Variants in CTBP2 observed in about 807,000 individuals in gnomAD.
CTBP2 encodes the protein C-terminal-binding protein 2.
Under a neutral mutation model 80.3 loss-of-function variants are expected in CTBP2, and 30 were observed. That is an observed-to-expected ratio of 0.37 (90% CI 0.28 to 0.51). The LOEUF (loss-of-function observed/expected upper bound fraction) is 0.51. Ranked by LOEUF, CTBP2 falls within the 20% of genes least tolerant of loss-of-function variation. The probability of loss-of-function intolerance (pLI) is 0.93; values close to 1 mark genes in which losing one functional copy is unlikely to be tolerated. For synonymous variants in CTBP2, 594 were observed against 587.4 expected, an observed-to-expected ratio of 1.01 and a Z score of -0.16; for missense variants, 1,212 against 1,375.3, an observed-to-expected ratio of 0.88 and a Z score of 1.88.
Position 125,069,977 on chromosome 10 carries a change from A to G in CTBP2, c.-101-30822T>C, listed in dbSNP as rs140281221. Among the ~76,000 whole-genome samples the G allele has an allele frequency of 6.8e-3, 1,034 of 151,784 alleles. 5 individuals are homozygous for G. The highest frequency in any genetic ancestry group is 0.01 in the Non-Finnish European group (682 of 67,962). On this transcript the variant is annotated intron_variant, in intron 2 of 10. Transcript: ENST00000337195. ...ACAGACTTTGGATAACAATGGATCA[A>G]TTACTTTGGGAGGCCTAGCTGGGCC... is the stretch of plus-strand genomic sequence containing the variant.
chr10:125,012,669 T>TCA (rs1257086722), intron 1 of CTBP2, among the ~76,000 whole-genome samples: 1 of 152,292 alleles, frequency 6.6e-6, no homozygotes, highest in East Asian at 1.9e-4. Flanking sequence ...AGATGGAGTC[T>TCA]CACGCTGTTG....
intron 2 of CTBP2, among the ~76,000 whole-genome samples, chr10:125,101,629 C>CAG (rs1288575620): frequency 6.6e-6 from 1 of 152,210 alleles, no homozygotes; most frequent in Non-Finnish European, 1.5e-5. Context: ...AGGTGGAAGA[C>CAG]AGAACCTTCA....
At chr10:124,989,947 A>G (rs1337958123) in intron 8 of CTBP2, among the ~76,000 whole-genome samples, 2 of 151,842 alleles carry the variant, frequency 1.3e-5, no homozygotes, top group East Asian at 3.9e-4. Context: ...CAGACTGCCC[A>G]GGCTGGTCTC....
At chr10:125,064,481 G>C (rs1006348366) in intron 2 of CTBP2, among the ~76,000 whole-genome samples, 2 of 152,094 alleles carry the variant, frequency 1.3e-5, no homozygotes, top group Non-Finnish European at 2.9e-5. Flanking sequence ...ATCGGTCTCC[G>C]AAGAATAGCA....
intron 1 of CTBP2, among the ~76,000 whole-genome samples, chr10:125,112,800 G>A (rs1852528204): frequency 6.6e-6 from 1 of 152,136 alleles, no homozygotes; most frequent in African/African-American, 2.4e-5. Context: ...CTTTTAATGG[G>A]GCTTTTAATT....
chr10:125,140,660 A>C (rs762429560), intron 1 of CTBP2, among the ~76,000 whole-genome samples: 13 of 150,808 alleles, frequency 8.6e-5, no homozygotes, highest in Non-Finnish European at 1.8e-4. Flanking sequence ...CCATTTCTAC[A>C]AAAAATATAA....
chr10:125,017,526 C>T (rs542192221), intron 1 of CTBP2, among the ~76,000 whole-genome samples: 40 of 152,334 alleles, frequency 2.6e-4, no homozygotes, highest in Non-Finnish European at 5.6e-4. Context: ...CCTACATTTA[C>T]TTTTCCATTT....
intron 1 of CTBP2, among the ~76,000 whole-genome samples, chr10:125,112,952 T>C (rs548741055): frequency 3.5e-4 from 54 of 152,296 alleles, no homozygotes; most frequent in African/African-American, 1.3e-3. Context: ...TCCACTGAAT[T>C]CAATGAGTCC....
At chr10:124,994,850 C>T (rs966885884) in intron 4 of CTBP2, among the ~76,000 whole-genome samples, 167 bp from the exon 7 acceptor site, 14 of 152,226 alleles carry the variant, frequency 9.2e-5, no homozygotes, top group African/African-American at 3.1e-4. Context: ...GCACTGCCCG[C>T]GAGGGGCCAC....
At chr10:125,135,054 G>A (rs1565006250) in intron 1 of CTBP2, among the ~76,000 whole-genome samples, 1 of 152,184 alleles carries the variant, frequency 6.6e-6, no homozygotes, top group Non-Finnish European at 1.5e-5. Flanking sequence ...GTGCATGGAT[G>A]CCTTGGTGCG....
upstream of CTBP2, among the ~76,000 whole-genome samples, chr10:125,031,826 C>T (rs552117357): frequency 1.3e-5 from 2 of 152,356 alleles, no homozygotes; most frequent in South Asian, 2.1e-4. Flanking sequence ...ACCCACGCAA[C>T]GCGCCAAAGG....
At chr10:125,013,186 A>T (rs947389753) in intron 1 of CTBP2, among the ~76,000 whole-genome samples, 1 of 152,090 alleles carries the variant, frequency 6.6e-6, no homozygotes, top group Non-Finnish European at 1.5e-5. Context: ...GCCTGTTGGA[A>T]AGACCACCAA....
rs1952090242 is a variant in CTBP2 at position 124,987,664 on chromosome 10, A to T, written c.*1854T>A. 6.6e-6 allele frequency: 1 copy of T among 152,152 alleles called. No homozygotes were observed. Among genetic ancestry groups the T allele is most frequent in the South Asian group, 2.1e-4 (1 of 4,826 alleles). The allele number at this position is 152,152 out of a possible 1,614,324, so 9.4% of individuals were successfully genotyped here. A position where few individuals can be genotyped will look rare whatever the true frequency, so the allele number is the denominator to read the frequency against. On this transcript the variant is annotated 3_prime_UTR_variant, in exon 9 of 9. Coordinates refer to ENST00000309035, the MANE Select transcript of CTBP2 (RefSeq NM_022802.3). ...TCCATGTGAGCTTGTGTTAATAGACACTTTTATGGTAGAGTTGGGATGGGG... is the reference window on the plus strand; with the variant it reads ...TCCATGTGAGCTTGTGTTAATAGACTCTTTTATGGTAGAGTTGGGATGGGG...
chr10:124,991,750 T>C (rs1952652365), intron 8 of CTBP2, among the ~76,000 whole-genome samples: 1 of 152,190 alleles, frequency 6.6e-6, no homozygotes, highest in East Asian at 1.9e-4. Flanking sequence ...ATGAAGAGAA[T>C]GATCTGGCCC....
chr10:125,022,203 C>T lies in CTBP2; in HGVS notation c.1678+3879G>A, dbSNP rs568074907. 5.9e-5 allele frequency among the ~76,000 whole-genome samples: 9 copies of T among 152,168 alleles called. No individual in the cohort carries two copies. In the South Asian group the frequency reaches 1.7e-3, roughly 28 times the overall value. ...CTTCTCCTGCTTCCCTGCCGGTGCA[C>T]ACACATGCGCTGTAGGGACGCTCTT... On this transcript the variant is annotated intron_variant, in intron 1 of 8. Transcript: ENST00000309035.
At chr10:125,142,182 C>T (rs943664697) in intron 1 of CTBP2, among the ~76,000 whole-genome samples, 2 of 152,148 alleles carry the variant, frequency 1.3e-5, no homozygotes, top group African/African-American at 2.4e-5. Context: ...GTTTCAGACA[C>T]GACTCAAGAC....
chr10:125,086,169 G>C (rs1442884112), intron 2 of CTBP2, among the ~76,000 whole-genome samples: 1 of 152,198 alleles, frequency 6.6e-6, no homozygotes, highest in African/African-American at 2.4e-5. Flanking sequence ...GTATTAGAGG[G>C]TGAGGCCTTT....
intron 2 of CTBP2, among the ~76,000 whole-genome samples, chr10:125,078,294 A>AACAAC (rs1554906706): frequency 3.6e-4 from 55 of 150,948 alleles, no homozygotes; most frequent in South Asian, 6.3e-4. Flanking sequence ...AAAAAAAAAA[A>AACAAC]AAAAAACCTT....
At chr10:125,070,326 G>C (rs1440582398) in intron 2 of CTBP2, among the ~76,000 whole-genome samples, 1 of 151,616 alleles carries the variant, frequency 6.6e-6, no homozygotes, top group East Asian at 1.9e-4. Context: ...ACTCCAGCCT[G>C]AGTGACAGAG....
Sources: gnomAD v4.1 joint callset for allele counts (sites outside exome capture counted in the v4.1 genomes callset) on GRCh38, gnomAD v4.1.1 for gene constraint, MANE v1.5 for transcripts, NCBI Gene and HGNC (gene_info 2026-07-23, HGNC 2026-07-21) for gene names.